The following CFH variants were observed in gnomAD, a reference collection of about 807,000 sequenced individuals.
CFH encodes the protein H factor 1 (complement).
A neutral mutation model predicts 147.3 loss-of-function variants in CFH; 53 were observed. The ratio of observed to expected loss-of-function variants is 0.36; its 90% CI spans 0.29 to 0.45. CFH has a LOEUF of 0.45. CFH is among the 20% of genes least tolerant of loss of function. The pLI, the probability that CFH is intolerant of heterozygous loss-of-function variation, is 1.00. For synonymous variants in CFH, 536 were observed against 489.4 expected (o/e 1.10, Z -1.26); for missense variants, 1,380 against 1,498.0 (o/e 0.92, Z 1.30).
intron 11 of CFH, among the ~76,000 whole-genome samples, chr1:196,723,067 A>G (rs1019980124): frequency 2.0e-5 from 3 of 151,892 alleles, no homozygotes; most frequent in Non-Finnish European, 4.4e-5. Flanking sequence ...ATTCTTTGGT[A>G]TTTCAAAGAT....
chr1:196,713,750 C>G lies in CFH; in HGVS notation c.1352C>G (p.Ser451Ter). 1 of 1,588,338 alleles carries G rather than the reference C, an allele frequency of 6.3e-7. No individual in the cohort carries two copies. The highest frequency in any genetic ancestry group is 1.1e-5 in the South Asian group (1 of 90,120). ...RCIRVKTCSKSSIDIENGFIS... is the reference protein window; with the variant it reads ...RCIRVKTCSK ...TCCCTTTTAGAAACATGTTCCAAAT[C>G]AAGTATAGATATTGAGAATGGGTTT... The change falls in exon 10 of 22, where the codon TCA becomes TGA. Residue 451 changes from serine (S) to a stop codon, truncating the protein, a stop_gained. Coordinates refer to ENST00000367429, the MANE Select transcript of CFH (RefSeq NM_000186.4). LOFTEE classifies it high-confidence loss of function.
At chr1:196,731,185 T>A (rs1472636605) in intron 15 of CFH, among the ~76,000 whole-genome samples, 2 of 151,838 alleles carry the variant, frequency 1.3e-5, no homozygotes, top group Non-Finnish European at 3.0e-5. Context: ...TTTGATGACT[T>A]TCTGTAGCCA....
At chr1:196,670,856 C>T (rs1158933911) in intron 1 of CFH, among the ~76,000 whole-genome samples, 1 of 152,046 alleles carries the variant, frequency 6.6e-6, no homozygotes, top group African/African-American at 2.4e-5. Context: ...ATTTTGGAAA[C>T]CTTTGAGCTA....
At chr1:196,656,714 G>T in intron 1 of CFH, among the ~76,000 whole-genome samples, 1 of 143,028 alleles carries the variant, frequency 7.0e-6, no homozygotes. Flanking sequence ...CTATTTTCAG[G>T]GTCCTAATTG....
chr1:196,727,563 AAC>A (rs1276962708), intron 14 of CFH, among the ~76,000 whole-genome samples: 1 of 152,136 alleles, frequency 6.6e-6, no homozygotes, highest in Admixed American at 6.6e-5. Flanking sequence ...GAGAAATTAT[AAC>A]AGTTTTATAT....
intron 19 of CFH, among the ~76,000 whole-genome samples, chr1:196,742,599 C>T (rs1182538621): frequency 1.3e-5 from 2 of 152,022 alleles, no homozygotes; most frequent in Non-Finnish European, 2.9e-5. Flanking sequence ...GTCGCTAAAC[C>T]GGTAGCATCA....
chr1:196,656,577 G>C (rs1391966627), intron 1 of CFH, among the ~76,000 whole-genome samples: 3 of 151,880 alleles, frequency 2.0e-5, no homozygotes, highest in Non-Finnish European at 4.4e-5. Context: ...TAATGGAAAG[G>C]CTTCCAGATA....
In CFH at chr1:196,726,839, G is replaced by C. The variant is rs2149108645; in HGVS notation, c.2135G>C (p.Gly712Ala). The C allele has an allele frequency of 6.2e-7, 1 of 1,613,684 alleles. No homozygotes were observed. Among genetic ancestry groups the C allele is most frequent in the Non-Finnish European group, 8.5e-7 (1 of 1,179,748 alleles). The stretch of plus-strand genomic sequence containing the variant: ...CTTTCTTCCCCTCCTTATTACTATG[G>C]AGATTCAGTGGAATTCAATTGCTCA... The part of the protein sequence containing the change: ...AQLSSPPYYY[G>A]DSVEFNCSES... The change falls in exon 14 of 22, where the codon GGA becomes GCA. Residue 712 changes from glycine (G) to alanine (A), a missense_variant. By Grantham distance (60) the Gly-to-Ala change is moderately conservative. Transcript: ENST00000367429.
chr1:196,689,415 G>A lies in CFH; in HGVS notation c.965-5G>A, dbSNP rs1192586090. 6.2e-7 allele frequency: 1 copy of A among 1,611,056 alleles called. No homozygotes were observed. The highest frequency in any genetic ancestry group is 1.7e-5 in the Admixed American group (1 of 59,774). ...TTATACTTTTTTTAAAATTTTTATT[G>A]CAAGTGAAACCTTGTGATTATCCAG... On this transcript the variant is annotated splice_region_variant and splice_polypyrimidine_tract_variant and intron_variant, in intron 7 of 21. Coordinates refer to ENST00000367429, the MANE Select transcript of CFH (RefSeq NM_000186.4).
chr1:196,729,776 A>G (rs1156389029), intron 15 of CFH, among the ~76,000 whole-genome samples: 1 of 151,830 alleles, frequency 6.6e-6, no homozygotes, highest in Non-Finnish European at 1.5e-5. Flanking sequence ...CCTCATGATT[A>G]CTCTGTTCAG....
chr1:196,743,665 T>G lies in CFH; in HGVS notation c.3310+37T>G, dbSNP rs768332203. 9 of 1,612,490 alleles carry G rather than the reference T, an allele frequency of 5.6e-6. No individual in the cohort carries two copies. The African/African-American group carries it at 1.2e-4, about 22-fold the overall frequency. On this transcript the variant is annotated intron_variant, in intron 20 of 21. Coordinates refer to ENST00000367429, the MANE Select transcript of CFH (RefSeq NM_000186.4). Reference sequence around the variant, plus strand: ...TATTTCTTTTAACATTTTGGGGGAGTATAGCAGGGTTAAAATATGTTGATT... The same window carrying G: ...TATTTCTTTTAACATTTTGGGGGAGGATAGCAGGGTTAAAATATGTTGATT...
intron 11 of CFH, among the ~76,000 whole-genome samples, chr1:196,723,871 G>A (rs1001664826): frequency 2.6e-4 from 40 of 151,912 alleles, no homozygotes; most frequent in African/African-American, 7.7e-4. Context: ...TCCGTCCTCT[G>A]GTGTGTCTAC....
At chr1:196,691,699 T>C (rs1668028307) in intron 9 of CFH, among the ~76,000 whole-genome samples, 1 of 151,928 alleles carries the variant, frequency 6.6e-6, no homozygotes, top group African/African-American at 2.4e-5. Flanking sequence ...GTATTCTCTT[T>C]GTGGCTAGTA....
intron 1 of CFH, among the ~76,000 whole-genome samples, chr1:196,653,539 A>G (rs1470050286): frequency 6.6e-6 from 1 of 151,938 alleles, no homozygotes; most frequent in African/African-American, 2.4e-5. Flanking sequence ...CATAGATACC[A>G]TTTGTCATAT....
intron 1 of CFH, among the ~76,000 whole-genome samples, chr1:196,658,230 A>C (rs183806778): frequency 6.6e-6 from 1 of 151,864 alleles, no homozygotes; most frequent in African/African-American, 2.4e-5. Context: ...GGCTAAAAAA[A>C]AACTTGATTT....
intron 7 of CFH, among the ~76,000 whole-genome samples, chr1:196,689,195 G>A (rs985840641): frequency 2.6e-5 from 4 of 151,982 alleles, no homozygotes; most frequent in South Asian, 4.1e-4. Context: ...ACAAATTTAC[G>A]CATCATGTGA....
chr1:196,713,651 T>A (rs781681186), intron 9 of CFH, 84 bp from the exon 10 acceptor site: 49 of 909,238 alleles, frequency 5.4e-5, no homozygotes, highest in Non-Finnish European at 7.8e-5. Flanking sequence ...TGACTCATTA[T>A]TTTTTATATT....
intron 6 of CFH, 71 bp from the exon 7 acceptor site, chr1:196,684,993 A>G: frequency 8.4e-7 from 1 of 1,193,618 alleles, no homozygotes; most frequent in South Asian, 1.2e-5. Context: ...CCACTTTTAA[A>G]TGTTTATATA....
chr1:196,693,654 C>G (rs1329387123), intron 9 of CFH, among the ~76,000 whole-genome samples: 2 of 151,980 alleles, frequency 1.3e-5, no homozygotes, highest in African/African-American at 2.4e-5. Context: ...AAGTGACTAA[C>G]AGGCAGGTAG....
Sources: allele counts gnomAD v4.1 joint callset (sites outside exome capture counted in the v4.1 genomes callset), GRCh38; gene constraint gnomAD v4.1.1; transcripts MANE v1.5; gene names NCBI Gene and HGNC (gene_info 2026-07-23, HGNC 2026-07-21).